The following SMIM31 variants were observed in gnomAD, a reference collection of about 807,000 sequenced individuals.
SMIM31 encodes human epithelial cell program regulator.
At chr4:164,797,976 A>T (rs1182370287) in intron 2 of SMIM31, among the ~76,000 whole-genome samples, 1 of 152,194 alleles carries the variant, frequency 6.6e-6, no homozygotes, top group Non-Finnish European at 1.5e-5. Context: ...ATAAGTGAGA[A>T]CATACAGTAT....
chr4:164,768,069 CA>C (rs148153558), intron 1 of SMIM31, among the ~76,000 whole-genome samples: 3 of 150,364 alleles, frequency 2.0e-5, no homozygotes, highest in East Asian at 3.9e-4. Context: ...CTTGTCTCTA[CA>C]AAAAAAATCA....
intron 2 of SMIM31, among the ~76,000 whole-genome samples, chr4:164,772,585 A>ATTTATTT (rs1553965346): frequency 1.5e-3 from 210 of 142,778 alleles, no homozygotes; most frequent in African/African-American, 5.1e-3. Flanking sequence ...TTTTTATTTT[A>ATTTATTT]TTTTTTTTTT....
Position 164,800,336 on chromosome 4 carries a change from A to G in SMIM31, c.113-755A>G, listed in dbSNP as rs115048194. On this transcript the variant is annotated intron_variant, in intron 2 of 2. Coordinates refer to ENST00000507311, the MANE Select transcript of SMIM31 (RefSeq NM_001352885.1). ...GCAATTATCCTGCCTCAGCCCCCTG[A>G]GTAGCTGGTATTACAGACGCGCCAC... 8.1e-3 allele frequency among the ~76,000 whole-genome samples: 1,235 copies of G among 151,812 alleles called. 21 individuals carry two copies. The highest frequency in any genetic ancestry group is 0.029 in the African/African-American group (1,180 of 41,378).
At chr4:164,755,497 G>A (rs1732546404) in intron 1 of SMIM31, among the ~76,000 whole-genome samples, 1 of 124,112 alleles carries the variant, frequency 8.1e-6, no homozygotes, top group Admixed American at 8.7e-5. Flanking sequence ...AAGGAAAGGA[G>A]AGGAAAGGAG....
intron 2 of SMIM31, among the ~76,000 whole-genome samples, chr4:164,775,670 C>T (rs183325161): frequency 6.6e-6 from 1 of 152,206 alleles, no homozygotes; most frequent in African/African-American, 2.4e-5. Flanking sequence ...AGTCTGGTCC[C>T]TATATATGAC....
intron 2 of SMIM31, among the ~76,000 whole-genome samples, chr4:164,800,274 A>G (rs1733265412): frequency 6.6e-6 from 1 of 150,572 alleles, no homozygotes; most frequent in South Asian, 2.1e-4. Flanking sequence ...CAGTGGTGCT[A>G]TCTCAGCTCT....
At chr4:164,759,512 G>A (rs561676069) in intron 1 of SMIM31, among the ~76,000 whole-genome samples, 143 of 152,166 alleles carry the variant, frequency 9.4e-4, no homozygotes, top group African/African-American at 3.4e-3. Flanking sequence ...AAGTGCCAGG[G>A]GCTAGAATCA....
chr4:164,801,429 G>T lies in SMIM31; in HGVS notation c.*235G>T. The T allele has an allele frequency of 6.0e-5, 18 of 300,384 alleles. No individual in the cohort carries two copies. The highest frequency in any genetic ancestry group is 7.2e-5 in the Non-Finnish European group (12 of 166,514). The allele number at this position is 300,384 out of a possible 1,614,324, so 18.6% of individuals were successfully genotyped here. ...GCCATACACCATTCTAGCTGCAATT[G>T]ATTATACAAAAAAAAAAAGACCAAA... is the stretch of plus-strand genomic sequence containing the variant. On this transcript the variant is annotated 3_prime_UTR_variant, in exon 3 of 3. Coordinates refer to ENST00000507311, the MANE Select transcript of SMIM31 (RefSeq NM_001352885.1).
At chr4:164,780,266 A>C (rs949962561) in intron 2 of SMIM31, among the ~76,000 whole-genome samples, 1 of 152,208 alleles carries the variant, frequency 6.6e-6, no homozygotes, top group Non-Finnish European at 1.5e-5. Context: ...TCTCTACTAA[A>C]AATACAAAAA....
chr4:164,797,548 C>T (rs1011537392), intron 2 of SMIM31, among the ~76,000 whole-genome samples: 2 of 147,926 alleles, frequency 1.4e-5, no homozygotes, highest in South Asian at 2.1e-4. Context: ...ACTGAAACAT[C>T]GGTCTCCCAG....
chr4:164,776,783 G>T (rs1732884470), intron 2 of SMIM31, among the ~76,000 whole-genome samples: 1 of 152,154 alleles, frequency 6.6e-6, no homozygotes, highest in African/African-American at 2.4e-5. Flanking sequence ...TTTCTTTAGA[G>T]AAGCTCAACA....
At chr4:164,784,383 T>C (rs1174367487) in intron 2 of SMIM31, among the ~76,000 whole-genome samples, 1 of 152,234 alleles carries the variant, frequency 6.6e-6, no homozygotes, top group Admixed American at 6.5e-5. Flanking sequence ...CGCCGTTGGT[T>C]CTTGATAGTA....
At chr4:164,779,526 G>A (rs1345452921) in intron 2 of SMIM31, among the ~76,000 whole-genome samples, 1 of 70,142 alleles carries the variant, frequency 1.4e-5, no homozygotes, top group Non-Finnish European at 2.4e-5. Flanking sequence ...TTTTTGTCAT[G>A]GAAAAGTCAG....
At chr4:164,797,447 A>G (rs1429469806) in intron 2 of SMIM31, among the ~76,000 whole-genome samples, 1 of 148,930 alleles carries the variant, frequency 6.7e-6, no homozygotes. Context: ...TTTAGAGAGT[A>G]AAGTGCAGAT....
At chr4:164,777,147 A>G (rs770494183) in intron 2 of SMIM31, among the ~76,000 whole-genome samples, 2 of 152,230 alleles carry the variant, frequency 1.3e-5, no homozygotes, top group Non-Finnish European at 2.9e-5. Context: ...ATGGTCTTCA[A>G]TGTATATTTG....
At chr4:164,776,475 G>A (rs1732881080) in intron 2 of SMIM31, among the ~76,000 whole-genome samples, 1 of 152,120 alleles carries the variant, frequency 6.6e-6, no homozygotes, top group Non-Finnish European at 1.5e-5. Context: ...GAGTCTCAGA[G>A]GAGAGGTAAT....
intron 1 of SMIM31, 33 bp downstream of exon 1, chr4:164,754,444 C>T (rs555278405): frequency 1.6e-4 from 22 of 139,510 alleles, no homozygotes; most frequent in African/African-American, 4.4e-4. Context: ...TTTTATTTAC[C>T]TCAAAACTCT....
chr4:164,771,061 TA>T (rs1414199732), intron 2 of SMIM31, among the ~76,000 whole-genome samples: 2 of 152,138 alleles, frequency 1.3e-5, no homozygotes, highest in African/African-American at 4.8e-5. Flanking sequence ...TCATAGAAAA[TA>T]AGATAAAATC....
intron 1 of SMIM31, among the ~76,000 whole-genome samples, chr4:164,765,792 G>T (rs528016026): frequency 1.3e-5 from 2 of 152,228 alleles, no homozygotes; most frequent in African/African-American, 4.8e-5. Context: ...AATGTAGCAG[G>T]CTATAAGAAT....
Sources: allele counts gnomAD v4.1 joint callset (sites outside exome capture counted in the v4.1 genomes callset), GRCh38; gene constraint gnomAD v4.1.1; transcripts MANE v1.5; gene names NCBI Gene and HGNC (gene_info 2026-07-23, HGNC 2026-07-21).